Variants in PDGFC observed in about 807,000 individuals in gnomAD.
The protein encoded by PDGFC is platelet derived growth factor C.
In PDGFC, 12 loss-of-function variants were observed where a neutral mutation model predicts 35.5. The observed-to-expected ratio is 0.34, with a 90% CI of 0.22 to 0.55. The LOEUF is 0.55. Among genes scored for constraint, PDGFC ranks in the 20% least tolerant of loss-of-function variants. PDGFC has a pLI of 0.91. For synonymous variants in PDGFC, 159 were observed against 148.8 expected (o/e 1.07, Z -0.50); for missense variants, 322 against 412.4 (o/e 0.78, Z 1.90).
At chr4:156,778,900 T>C (rs1274101991) in intron 3 of PDGFC, among the ~76,000 whole-genome samples, 5 of 152,232 alleles carry the variant, frequency 3.3e-5, no homozygotes. Flanking sequence ...AATTCATTCA[T>C]ACCTAACAAA....
chr4:156,897,515 G>A lies in PDGFC; in HGVS notation c.119-47099C>T, dbSNP rs116935451. 8.1e-3 allele frequency among the ~76,000 whole-genome samples: 1,227 copies of A among 152,106 alleles called. 15 individuals carry two copies. Among genetic ancestry groups the A allele is most frequent in the East Asian group, 0.073 (377 of 5,154 alleles). On this transcript the variant is annotated intron_variant, in intron 1 of 5. Transcript: ENST00000502773. The stretch of plus-strand genomic sequence containing the variant: ...ATTCTTTGCTCACATTAAACTGACT[G>A]GGTGAGCCCACCTTTCCTATCAGGA...
chr4:156,946,876 A>G (rs969370768), intron 1 of PDGFC, among the ~76,000 whole-genome samples: 4 of 152,046 alleles, frequency 2.6e-5, no homozygotes, highest in Admixed American at 6.6e-5. Context: ...GACCAAAAGC[A>G]GTAAGAAGAC....
intron 3 of PDGFC, among the ~76,000 whole-genome samples, chr4:156,799,190 T>C (rs1731529696): frequency 6.6e-6 from 1 of 152,194 alleles, no homozygotes; most frequent in Non-Finnish European, 1.5e-5. Flanking sequence ...TTACTTGTGG[T>C]GAAGAAGCAC....
chr4:156,943,932 T>G (rs565255017), intron 1 of PDGFC, among the ~76,000 whole-genome samples: 2 of 152,266 alleles, frequency 1.3e-5, no homozygotes, highest in East Asian at 3.9e-4. Context: ...GGCTTTCCCT[T>G]AAAACAAATA....
intron 3 of PDGFC, chr4:156,779,133 C>G (rs1207450769): frequency 2.2e-6 from 1 of 456,046 alleles, no homozygotes; most frequent in Non-Finnish European, 4.4e-6. Flanking sequence ...ACACAAATGC[C>G]TGCCAGGAAC....
At chr4:156,815,807 T>G (rs1255397198) in intron 2 of PDGFC, among the ~76,000 whole-genome samples, 1 of 152,182 alleles carries the variant, frequency 6.6e-6, no homozygotes, top group Non-Finnish European at 1.5e-5. Flanking sequence ...ACGTCAGTAT[T>G]TAAAGGATTT....
In PDGFC at chr4:156,768,009, A is replaced by G. The variant is rs764754185; in HGVS notation, c.704-19T>C. 1 of 1,461,336 alleles carries G rather than the reference A, an allele frequency of 6.8e-7. No homozygotes were observed. The allele number at this position is 1,461,336 out of a possible 1,614,324, so 90.5% of individuals were successfully genotyped here. ...TCCACCACTATATGGTATAAAAGAA[A>G]GCAAAGAAAAATAGATGTTGATGCT... On this transcript the variant is annotated intron_variant, in intron 4 of 5. Transcript: ENST00000502773.
chr4:156,864,743 G>A (rs1173210010), intron 1 of PDGFC, among the ~76,000 whole-genome samples: 1 of 152,110 alleles, frequency 6.6e-6, no homozygotes, highest in African/African-American at 2.4e-5. Context: ...ATATAATGAT[G>A]AAGAAAGTTT....
At chr4:156,935,187 G>C (rs147090699) in intron 1 of PDGFC, among the ~76,000 whole-genome samples, 1 of 151,968 alleles carries the variant, frequency 6.6e-6, no homozygotes, top group Non-Finnish European at 1.5e-5. Context: ...TCATACAGAC[G>C]GGGTTTCACC....
At chr4:156,796,074 A>T (rs1410675716) in intron 3 of PDGFC, among the ~76,000 whole-genome samples, 1 of 152,182 alleles carries the variant, frequency 6.6e-6, no homozygotes, top group Admixed American at 6.6e-5. Context: ...AATCTATGAT[A>T]GATGTTGTGC....
At chr4:156,811,413 C>T (rs1360803914) in intron 2 of PDGFC, among the ~76,000 whole-genome samples, 1 of 152,048 alleles carries the variant, frequency 6.6e-6, no homozygotes, top group African/African-American at 2.4e-5. Flanking sequence ...GAGAGTAACT[C>T]TTTCATCCTG....
In PDGFC at chr4:156,761,727, T is replaced by A. The variant is rs934649389; in HGVS notation, c.*1363A>T. The A allele has an allele frequency of 1.3e-5, 2 of 152,682 alleles. No individual in the cohort carries two copies. The highest frequency in any genetic ancestry group is 4.8e-5 in the African/African-American group (2 of 41,472). 9.5% of individuals were successfully genotyped at this position (152,682 alleles called of 1,614,324 possible). ...TAAGCATTTTACAAGCAAAATATTTTACTGATTTTCTTTTAAATTGCCAGA... is the reference window on the plus strand; with the variant it reads ...TAAGCATTTTACAAGCAAAATATTTAACTGATTTTCTTTTAAATTGCCAGA... On this transcript the variant is annotated 3_prime_UTR_variant, in exon 6 of 6. Transcript: ENST00000502773.
chr4:156,851,736 G>A (rs1007799781), intron 1 of PDGFC, among the ~76,000 whole-genome samples: 3 of 151,762 alleles, frequency 2.0e-5, no homozygotes, highest in Non-Finnish European at 2.9e-5. Context: ...GAGGTCAGGA[G>A]ATCGAGACCA....
intron 2 of PDGFC, among the ~76,000 whole-genome samples, chr4:156,833,528 A>C (rs922546285): frequency 2.0e-5 from 3 of 152,252 alleles, no homozygotes; most frequent in South Asian, 4.1e-4. Context: ...ATCATCAAAT[A>C]AGAGTAAATT....
chr4:156,885,027 T>A (rs1461660206), intron 1 of PDGFC, among the ~76,000 whole-genome samples: 1 of 152,232 alleles, frequency 6.6e-6, no homozygotes, highest in East Asian at 1.9e-4. Context: ...CTTCTTTTAC[T>A]TGTTTTTCAT....
intron 1 of PDGFC, among the ~76,000 whole-genome samples, chr4:156,869,873 T>G (rs1729938466): frequency 6.6e-6 from 1 of 152,138 alleles, no homozygotes; most frequent in Admixed American, 6.5e-5. Context: ...CATACACAAA[T>G]AAATATTTTA....
chr4:156,862,890 T>A (rs918825683), intron 1 of PDGFC, among the ~76,000 whole-genome samples: 1 of 152,064 alleles, frequency 6.6e-6, no homozygotes, highest in Non-Finnish European at 1.5e-5. Context: ...AGACGGGGTA[T>A]CACCATCTTG....
At chr4:156,782,410 A>C (rs1038106011) in intron 3 of PDGFC, among the ~76,000 whole-genome samples, 1 of 152,198 alleles carries the variant, frequency 6.6e-6, no homozygotes, top group Non-Finnish European at 1.5e-5. Context: ...GTACGGTGTT[A>C]CATTAAAAGA....
At chr4:156,862,190 T>C (rs1049008625) in intron 1 of PDGFC, among the ~76,000 whole-genome samples, 1 of 152,156 alleles carries the variant, frequency 6.6e-6, no homozygotes, top group African/African-American at 2.4e-5. Context: ...AACCATTTTA[T>C]AGAAATAAAA....
Sources: gnomAD v4.1 joint callset for allele counts (sites outside exome capture counted in the v4.1 genomes callset) on GRCh38, gnomAD v4.1.1 for gene constraint, MANE v1.5 for transcripts, NCBI Gene and HGNC (gene_info 2026-07-23, HGNC 2026-07-21) for gene names.